Variants in ADAD1 observed in about 807,000 individuals in gnomAD.
ADAD1 encodes adenosine deaminase domain-containing protein 1.
In ADAD1, 46 loss-of-function variants were observed where a neutral mutation model predicts 66.8. That is an observed-to-expected ratio of 0.69 (90% confidence interval 0.54 to 0.88). ADAD1 has a LOEUF of 0.88. Ranked by LOEUF, ADAD1 falls within the 40% of genes least tolerant of loss-of-function variation. The pLI, the probability that ADAD1 is intolerant of heterozygous loss-of-function variation, is 0.00. For missense variants in ADAD1, 617 were observed against 681.8 expected, an observed-to-expected ratio of 0.91 and a Z score of 1.06; for synonymous variants, 248 against 229.4, an observed-to-expected ratio of 1.08 and a Z score of -0.73.
chr4:122,382,362 T>C (rs1177098261), intron 4 of ADAD1, among the ~76,000 whole-genome samples: 1 of 152,252 alleles, frequency 6.6e-6, no homozygotes, highest in Non-Finnish European at 1.5e-5. Flanking sequence ...GATTTAGATT[T>C]ACACTAAAGT....
chr4:122,406,108 T>A (rs1796200496), intron 7 of ADAD1, among the ~76,000 whole-genome samples: 1 of 152,230 alleles, frequency 6.6e-6, no homozygotes, highest in Admixed American at 6.5e-5. Flanking sequence ...GTGGGATTGC[T>A]GGATTATATG....
In ADAD1 at chr4:122,380,239, CG is replaced by C. The variant is rs1410977997; in HGVS notation, c.172+1del. 6.2e-7 allele frequency: 1 copy of C among 1,603,228 alleles called. No homozygotes were observed. Among genetic ancestry groups the C allele is most frequent in the African/African-American group, 1.3e-5 (1 of 74,268 alleles). On this transcript the variant is annotated frameshift_variant and splice_region_variant, in exon 3 of 13. Transcript: ENST00000296513. LOFTEE classifies it high-confidence loss of function. The part of the protein sequence containing the change: ...SKMASKVTQV[T>X]GNFPEPLLSK... ...ATGGCATCCAAGGTTACGCAAGTAA[CG>C]GGTACGACTTTTTTCATTTGTAACA... is the stretch of plus-strand genomic sequence containing the variant.
chr4:122,414,173 A>G (rs2150585289), intron 10 of ADAD1, among the ~76,000 whole-genome samples: 1 of 149,448 alleles, frequency 6.7e-6, no homozygotes, highest in East Asian at 2.0e-4. Context: ...TATACTTCCC[A>G]TTAAAGCATC....
intron 12 of ADAD1, among the ~76,000 whole-genome samples, chr4:122,427,324 A>T (rs1339669622): frequency 6.6e-6 from 1 of 152,186 alleles, no homozygotes; most frequent in Non-Finnish European, 1.5e-5. Context: ...ACTGGAAATG[A>T]TGAAACATAG....
intron 8 of ADAD1, among the ~76,000 whole-genome samples, chr4:122,410,414 CA>C (rs1335471936): frequency 6.6e-6 from 1 of 151,950 alleles, no homozygotes; most frequent in Admixed American, 6.6e-5. Context: ...ATTAAATAAG[CA>C]AAATAGTATT....
At chr4:122,383,566 T>C (rs1356800516) in intron 4 of ADAD1, among the ~76,000 whole-genome samples, 3 of 152,180 alleles carry the variant, frequency 2.0e-5, no homozygotes, top group Non-Finnish European at 2.9e-5. Flanking sequence ...ACTGGCCCTA[T>C]TGCTCACACT....
intron 11 of ADAD1, among the ~76,000 whole-genome samples, chr4:122,417,009 C>T (rs914410969): frequency 1.1e-4 from 17 of 152,074 alleles, no homozygotes; most frequent in Non-Finnish European, 2.5e-4. Flanking sequence ...TCACTTTTTA[C>T]GGCCAAATAC....
intron 5 of ADAD1, among the ~76,000 whole-genome samples, chr4:122,386,210 T>C (rs1256160776): frequency 6.6e-6 from 1 of 152,216 alleles, no homozygotes; most frequent in Non-Finnish European, 1.5e-5. Flanking sequence ...ATGTATTGTT[T>C]CCTGACTTTT....
At chr4:122,418,306 C>CTTTTTTTTT (rs10527795) in intron 11 of ADAD1, among the ~76,000 whole-genome samples, 2 of 94,638 alleles carry the variant, frequency 2.1e-5, no homozygotes, top group Non-Finnish European at 4.5e-5. Flanking sequence ...ACGTTATTTT[C>CTTTTTTTTT]TTTTTTTTTT....
chr4:122,399,337 C>G (rs567894462), intron 7 of ADAD1, among the ~76,000 whole-genome samples: 31 of 151,876 alleles, frequency 2.0e-4, no homozygotes, highest in Non-Finnish European at 4.1e-4. Context: ...CATTATTCTG[C>G]GTGCCTAGTT....
chr4:122,380,439 T>C (rs1794837336), intron 3 of ADAD1, 198 bp downstream of exon 3: 1 of 624,682 alleles, frequency 1.6e-6, no homozygotes, highest in Non-Finnish European at 2.6e-6. Context: ...CGTTTAACCA[T>C]CTGTTACCAC....
intron 11 of ADAD1, among the ~76,000 whole-genome samples, chr4:122,418,374 A>ATATCGGC (rs1273714540): frequency 6.5e-5 from 9 of 137,848 alleles, no homozygotes; most frequent in African/African-American, 2.4e-4. Context: ...CAGTGGCGCG[A>ATATCGGC]TATCGGCTCA....
intron 12 of ADAD1, 144 bp downstream of exon 12, chr4:122,421,534 T>A: frequency 1.3e-6 from 1 of 762,560 alleles, no homozygotes; most frequent in Non-Finnish European, 1.8e-6. Context: ...AATTGGTTTT[T>A]AAATGAACAT....
chr4:122,387,337 C>T (rs1009014441), intron 5 of ADAD1, among the ~76,000 whole-genome samples: 8 of 152,022 alleles, frequency 5.3e-5, no homozygotes, highest in African/African-American at 1.9e-4. Flanking sequence ...TGGCTCTCTG[C>T]TTGCCTACTG....
intron 5 of ADAD1, among the ~76,000 whole-genome samples, chr4:122,384,872 G>C (rs62321704): frequency 0.079 from 11,950 of 152,202 alleles, 505 homozygotes; most frequent in African/African-American, 0.095. Flanking sequence ...ATTTACCCAT[G>C]TCTGCTGTCG....
chr4:122,419,405 G>A (rs926534779), intron 11 of ADAD1, among the ~76,000 whole-genome samples: 8 of 152,226 alleles, frequency 5.3e-5, no homozygotes, highest in Admixed American at 2.0e-4. Flanking sequence ...GGAGGGAGAC[G>A]ATCAGGAAAA....
chr4:122,417,862 T>C (rs1796811897), intron 11 of ADAD1, among the ~76,000 whole-genome samples: 1 of 152,160 alleles, frequency 6.6e-6, no homozygotes, highest in Non-Finnish European at 1.5e-5. Flanking sequence ...TACTAGGAGC[T>C]GATTTTACTG....
At chr4:122,388,615 G>A (rs1274680507) in intron 5 of ADAD1, among the ~76,000 whole-genome samples, 1 of 152,140 alleles carries the variant, frequency 6.6e-6, no homozygotes, top group Non-Finnish European at 1.5e-5. Flanking sequence ...ATGCATCCAG[G>A]AATTTATCTA....
intron 12 of ADAD1, among the ~76,000 whole-genome samples, chr4:122,426,291 C>T (rs1797234194): frequency 6.6e-6 from 1 of 152,058 alleles, no homozygotes; most frequent in African/African-American, 2.4e-5. Context: ...TAAAAACTGA[C>T]TTAACAATAG....
Sources: allele counts gnomAD v4.1 joint callset (sites outside exome capture counted in the v4.1 genomes callset), GRCh38; gene constraint gnomAD v4.1.1; transcripts MANE v1.5; gene names NCBI Gene and HGNC (gene_info 2026-07-23, HGNC 2026-07-21).